Variants in ANK2 observed in about 807,000 individuals in gnomAD.
The protein encoded by ANK2 is ankyrin 2.
Under a neutral mutation model 360.5 loss-of-function variants are expected in ANK2, and 83 were observed. The ratio of observed to expected loss-of-function variants is 0.23; its 90% CI spans 0.19 to 0.28. The LOEUF (loss-of-function observed/expected upper bound fraction) is 0.28, where lower values mean the gene tolerates loss of function less well. Ranked by LOEUF, ANK2 falls within the 10% of genes least tolerant of loss-of-function variation. The pLI is 1.00. For synonymous variants in ANK2, 1,740 were observed against 1,759.5 expected (o/e 0.99, Z 0.28); for missense variants, 4,201 against 4,795.7 (o/e 0.88, Z 3.66).
In ANK2 at chr4:112,955,542, T is replaced by G. The variant is rs185585795; in HGVS notation, c.21+51028T>G. ...ACATTTTATTGTTTAAAAAAGGTTGTTTTTTTTTTTAAATGAATGTGAATT... is the reference window on the plus strand; with the variant it reads ...ACATTTTATTGTTTAAAAAAGGTTGGTTTTTTTTTTAAATGAATGTGAATT... On this transcript the variant is annotated intron_variant, in intron 2 of 30. Coordinates refer to the ANK2 transcript ENST00000503271. Among the ~76,000 whole-genome samples the G allele has an allele frequency of 4.8e-4, 65 of 135,876 alleles. No individual in the cohort carries two copies. In the East Asian group the frequency reaches 8.1e-3, roughly 17 times the overall value. The allele number at this position is 135,876 out of a possible 152,430, so 89.1% of individuals were successfully genotyped here.
chr4:113,186,560 G>C lies in ANK2; in HGVS notation c.187-9808G>C, dbSNP rs114800171. 3.9e-3 allele frequency among the ~76,000 whole-genome samples: 280 copies of C among 71,618 alleles called. 9 individuals carry two copies. The highest frequency in any genetic ancestry group is 0.025 in the African/African-American group (256 of 10,308). 47.0% of individuals were successfully genotyped at this position (71,618 alleles called of 152,430 possible). A position where few individuals can be genotyped will look rare whatever the true frequency, so the allele number is the denominator to read the frequency against. On this transcript the variant is annotated intron_variant, in intron 2 of 45. Transcript: ENST00000357077. ...CCTCCCCTCCTGGATATCTTCCCGTGTCTCTCTCTCTCTCTCTCTCTCTCT... is the reference window on the plus strand; with the variant it reads ...CCTCCCCTCCTGGATATCTTCCCGTCTCTCTCTCTCTCTCTCTCTCTCTCT...
At chr4:113,328,566 A>G (rs2091252819) in intron 26 of ANK2, among the ~76,000 whole-genome samples, 1 of 152,270 alleles carries the variant, frequency 6.6e-6, no homozygotes, top group Admixed American at 6.5e-5. Flanking sequence ...TTTTCTCATT[A>G]TGTTTTGGTA....
At chr4:113,279,130 C>G (rs867154127) in intron 17 of ANK2, among the ~76,000 whole-genome samples, 1 of 152,062 alleles carries the variant, frequency 6.6e-6, no homozygotes. Context: ...GCATTTCCCA[C>G]CATTCTAGTT....
At chr4:112,811,124 C>T in the ANK2 span, among the ~76,000 whole-genome samples, 2 of 151,208 alleles carry the variant, frequency 1.3e-5, no homozygotes, top group African/African-American at 4.9e-5. Context: ...TTTTTAGTAG[C>T]GATGGGGTTT....
chr4:113,271,720 A>T (rs1287035879), intron 14 of ANK2, among the ~76,000 whole-genome samples: 1 of 152,240 alleles, frequency 6.6e-6, no homozygotes, highest in African/African-American at 2.4e-5. Flanking sequence ...AAGAAAAACC[A>T]TATACTCATA....
chr4:113,358,353 C>T lies in ANK2; in HGVS notation c.9735C>T (p.Pro3245=), dbSNP rs572502923. 2.2e-5 allele frequency: 35 copies of T among 1,613,984 alleles called. No homozygotes were observed. In the South Asian group the frequency reaches 2.5e-4, roughly 12 times the overall value. Reference sequence around the variant, plus strand: ...CTGGTGTAAAGCAGATATCCTGCCCCGACTCTTCTGAACCAGCTGTACAAG... The same window carrying T: ...CTGGTGTAAAGCAGATATCCTGCCCTGACTCTTCTGAACCAGCTGTACAAG... ...PLSGVKQISC[P]DSSEPAVQVQ... Residue 3245 remains proline, a synonymous_variant, in exon 38 of 46, where the codon CCC becomes CCT. Coordinates refer to ENST00000357077, the MANE Select transcript of ANK2 (RefSeq NM_001148.6).
chr4:113,085,247 C>T (rs936504085), intron 1 of ANK2, among the ~76,000 whole-genome samples: 2 of 152,054 alleles, frequency 1.3e-5, no homozygotes, highest in Non-Finnish European at 2.9e-5. Context: ...TGTGTATTGC[C>T]TTTTAAGTAT....
intron 28 of ANK2, 67 bp from the exon 29 acceptor site, chr4:113,332,986 AG>A: frequency 1.9e-6 from 3 of 1,607,022 alleles, no homozygotes; most frequent in Non-Finnish European, 2.6e-6. Flanking sequence ...TTTGCAACAG[AG>A]TCGAGGTGCT....
chr4:112,756,583 A>G, the ANK2 span, among the ~76,000 whole-genome samples: 3 of 152,190 alleles, frequency 2.0e-5, no homozygotes, highest in African/African-American at 7.2e-5. Flanking sequence ...AGAATTGGTT[A>G]TGTACATAGG....
intron 1 of ANK2, among the ~76,000 whole-genome samples, chr4:113,151,696 T>C (rs2154396101): frequency 6.6e-6 from 1 of 152,210 alleles, no homozygotes; most frequent in Admixed American, 6.5e-5. Context: ...CTATAGAAAG[T>C]AGTAGACATT....
At position 113,030,830 on chromosome 4, in the gene ANK2, C is replaced by G. The variant is rs1003312562; in HGVS notation, c.21+126316C>G. ...AGATGAGTACAGGTTTAAAACATTTCAAAAGATGAGCTGAAAACTGCCTTG... is the reference window on the plus strand; with the variant it reads ...AGATGAGTACAGGTTTAAAACATTTGAAAAGATGAGCTGAAAACTGCCTTG... On this transcript the variant is annotated intron_variant, in intron 2 of 30. Coordinates refer to the ANK2 transcript ENST00000503271. Among the ~76,000 whole-genome samples, 6 of 152,006 alleles carry G rather than the reference C, an allele frequency of 3.9e-5. No individual in the cohort carries two copies. The East Asian group carries it at 1.2e-3, about 30-fold the overall frequency.
rs577166271 is a variant in ANK2 at position 113,354,430 on chromosome 4, C to A, written c.5812C>A (p.Pro1938Thr). The A allele has an allele frequency of 6.2e-7, 1 of 1,614,020 alleles. No individual in the cohort carries two copies. The highest frequency in any genetic ancestry group is 1.1e-5 in the South Asian group (1 of 91,076). Residue 1938 changes from proline to threonine, a missense_variant, in exon 38 of 46, where the codon CCT (proline) becomes ACT (threonine). Around this residue, in one of 4 missense-constraint regions of ANK2, gnomAD observed 2,642 missense variants for 2,714.5 expected, o/e 0.97. Coordinates refer to ENST00000357077, the MANE Select transcript of ANK2 (RefSeq NM_001148.6). ...GCCTGGGAGAACAGAAAAACGCTTG[C>A]CTGTTTCACCCTCCGGAAGAACGGA... ...VSPGRTEKRL[P>T]VSPSGRTDKH... is the part of the protein sequence containing the mutation.
chr4:112,820,724 T>G (rs1030756652), intron 1 of ANK2, among the ~76,000 whole-genome samples: 4 of 149,988 alleles, frequency 2.7e-5, no homozygotes, highest in African/African-American at 9.8e-5. Context: ...CATGAGCCAC[T>G]GTGCCTAGCT....
intron 1 of ANK2, among the ~76,000 whole-genome samples, chr4:113,116,670 C>G (rs527768123): frequency 2.0e-4 from 30 of 152,282 alleles, no homozygotes; most frequent in African/African-American, 6.3e-4. Flanking sequence ...GCAGAGCAGC[C>G]GTAGCAACGG....
chr4:113,274,134 C>A (rs1230834501), intron 14 of ANK2, among the ~76,000 whole-genome samples: 2 of 152,098 alleles, frequency 1.3e-5, no homozygotes, highest in African/African-American at 4.8e-5. Flanking sequence ...AGATTTTATT[C>A]TTATTCCAAA....
At chr4:113,198,923 A>AT (rs1357325579) in intron 3 of ANK2, 88 bp from the exon 4 acceptor site, 1 of 1,024,178 alleles carries the variant, frequency 9.8e-7, no homozygotes, top group Non-Finnish European at 1.5e-6. Flanking sequence ...GGTTAAAGTG[A>AT]TTAGTGAAGT....
At chr4:113,373,197 G>A in intron 44 of ANK2, 24 bp downstream of exon 44, 1 of 1,612,638 alleles carries the variant, frequency 6.2e-7, no homozygotes, top group Non-Finnish European at 8.5e-7. Context: ...TATCCTAACA[G>A]GGTTGATTAC....
intron 1 of ANK2, among the ~76,000 whole-genome samples, chr4:112,896,051 C>T (rs745674112): frequency 1.6e-4 from 24 of 152,240 alleles, no homozygotes; most frequent in Non-Finnish European, 5.9e-5. Flanking sequence ...CGCCACCCTA[C>T]TGCTTCAGTT....
At chr4:113,284,775 T>C (rs538619933) in intron 18 of ANK2, among the ~76,000 whole-genome samples, 1 of 152,280 alleles carries the variant, frequency 6.6e-6, no homozygotes, top group South Asian at 2.1e-4. Flanking sequence ...TGAATAATAA[T>C]ACAATATACA....
Sources: gnomAD v4.1 joint callset for allele counts (sites outside exome capture counted in the v4.1 genomes callset) on GRCh38, gnomAD v4.1.1 for gene constraint, gnomAD v4.1.1 regional missense constraint, MANE v1.5 for transcripts, NCBI Gene and HGNC (gene_info 2026-07-23, HGNC 2026-07-21) for gene names.